The following SMG6 variants were observed in gnomAD, a reference collection of about 807,000 sequenced individuals.
The protein encoded by SMG6 is telomerase-binding protein EST1A.
In SMG6, 66 loss-of-function variants were observed where a neutral mutation model predicts 142.2. The ratio of observed to expected loss-of-function variants is 0.46; its 90% CI spans 0.38 to 0.57. SMG6 has a LOEUF of 0.57. Ranked by LOEUF, SMG6 falls within the 20% of genes least tolerant of loss-of-function variation. The pLI, the probability that SMG6 is intolerant of heterozygous loss-of-function variation, is 0.00. For missense variants in SMG6, 1,793 were observed against 1,832.0 expected, an observed-to-expected ratio of 0.98 and a Z score of 0.39; for synonymous variants, 779 against 702.4, an observed-to-expected ratio of 1.11 and a Z score of -1.72.
At chr17:2,091,608 C>T (rs1040868945) in intron 13 of SMG6, among the ~76,000 whole-genome samples, 1 of 152,144 alleles carries the variant, frequency 6.6e-6, no homozygotes, top group African/African-American at 2.4e-5. Flanking sequence ...TTTCCCTACC[C>T]CTGCTATAGC....
intron 13 of SMG6, among the ~76,000 whole-genome samples, chr17:2,102,553 T>TA (rs1331671043): frequency 7.4e-5 from 11 of 148,040 alleles, no homozygotes; most frequent in Non-Finnish European, 1.3e-4. Flanking sequence ...TTTTTTTTTT[T>TA]TAGAGATGAG....
chr17:2,226,628 C>G (rs1304133421), intron 10 of SMG6, among the ~76,000 whole-genome samples: 2 of 150,996 alleles, frequency 1.3e-5, no homozygotes, highest in African/African-American at 2.4e-5. Flanking sequence ...TGGGGCTGGG[C>G]TCACACCTGT....
At chr17:2,266,234 G>A (rs2074421043) in intron 8 of SMG6, 1 of 954,868 alleles carries the variant, frequency 1.0e-6, no homozygotes, top group South Asian at 4.8e-5. Flanking sequence ...GTCACGTGGG[G>A]TGGAAAGTGG....
chr17:2,191,445 G>C (rs2072159900), intron 10 of SMG6, among the ~76,000 whole-genome samples: 2 of 152,156 alleles, frequency 1.3e-5, no homozygotes, highest in East Asian at 3.8e-4. Context: ...TGTGGGGTGG[G>C]GGAGGAAAAG....
At chr17:2,087,446 T>A in intron 13 of SMG6, 6 of 1,112,290 alleles carry the variant, frequency 5.4e-6, no homozygotes, top group Non-Finnish European at 6.7e-6. Context: ...GGTCTAGGAG[T>A]GTTCTCTGCT....
intron 13 of SMG6, among the ~76,000 whole-genome samples, chr17:2,093,015 T>G (rs2068765229): frequency 1.3e-5 from 2 of 151,998 alleles, no homozygotes; most frequent in Admixed American, 6.6e-5. Context: ...GCCAACATGG[T>G]GAAACCCCAT....
intron 9 of SMG6, chr17:2,237,461 C>G (rs919825346): frequency 2.1e-6 from 2 of 966,236 alleles, no homozygotes; most frequent in African/African-American, 1.8e-5. Context: ...TTCCGCCTAA[C>G]GATCCCAAAT....
intron 8 of SMG6, among the ~76,000 whole-genome samples, chr17:2,276,166 C>T (rs527839990): frequency 3.9e-5 from 6 of 152,244 alleles, no homozygotes; most frequent in South Asian, 2.1e-4. Flanking sequence ...AATACATAAA[C>T]GAACAATTTG....
Position 2,066,048 on chromosome 17 carries a change from G to C in SMG6, c.3836-369C>G, listed in dbSNP as rs535397548. 2.3e-4 allele frequency: 57 copies of C among 252,074 alleles called. No homozygotes were observed. The East Asian group carries it at 4.5e-3, about 20-fold the overall frequency. 15.6% of individuals were successfully genotyped at this position (252,074 alleles called of 1,614,324 possible). ...AGTCCAGGGTATGCAGCAGCTCGAG[G>C]GAAAGGGAGGCGTCCTTCCTTAACT... On this transcript the variant is annotated intron_variant, in intron 16 of 18. Transcript: ENST00000263073.
chr17:2,072,354 C>A (rs900513305), intron 15 of SMG6, among the ~76,000 whole-genome samples: 1 of 152,094 alleles, frequency 6.6e-6, no homozygotes, highest in Non-Finnish European at 1.5e-5. Flanking sequence ...CACGGACACT[C>A]TGAATCAGGT....
intron 13 of SMG6, chr17:2,127,870 A>G: frequency 1.8e-6 from 1 of 561,348 alleles, no homozygotes; most frequent in Non-Finnish European, 3.5e-6. Context: ...CTCCTGCTTC[A>G]TCTTGGTGGC....
intron 13 of SMG6, among the ~76,000 whole-genome samples, chr17:2,144,270 G>A (rs8064885): frequency 0.35 from 52,808 of 151,616 alleles, 10,306 homozygotes; most frequent in Admixed American, 0.44. Flanking sequence ...TGTTGACCTC[G>A]AGACCAGGCT....
At chr17:2,291,877 A>T (rs1342324364) in intron 6 of SMG6, among the ~76,000 whole-genome samples, 15 of 140,286 alleles carry the variant, frequency 1.1e-4, no homozygotes, top group African/African-American at 3.1e-4. Context: ...AAAAAGAGAG[A>T]GACAATTTTC....
At chr17:2,089,640 TC>T (rs2068658279) in intron 13 of SMG6, 1 of 152,206 alleles carries the variant, frequency 6.6e-6, no homozygotes, top group African/African-American at 2.4e-5. Context: ...GCTCCAGTTA[TC>T]ACTCTAATCA....
intron 8 of SMG6, among the ~76,000 whole-genome samples, chr17:2,259,739 G>A (rs1256024322): frequency 2.0e-5 from 3 of 151,432 alleles, no homozygotes; most frequent in African/African-American, 4.9e-5. Context: ...AAGGGACTGT[G>A]CACAGTCCAG....
intron 13 of SMG6, among the ~76,000 whole-genome samples, chr17:2,131,999 G>T (rs2070136825): frequency 6.6e-6 from 1 of 152,028 alleles, no homozygotes; most frequent in Non-Finnish European, 1.5e-5. Context: ...TTCAACACAG[G>T]AGGCGGAGGT....
At chr17:2,110,458 G>A (rs567878814) in intron 13 of SMG6, among the ~76,000 whole-genome samples, 1 of 152,224 alleles carries the variant, frequency 6.6e-6, no homozygotes, top group Non-Finnish European at 1.5e-5. Context: ...TGTAAGTGGT[G>A]ATATACTATG....
chr17:2,180,706 A>G (rs1340948993), intron 12 of SMG6, among the ~76,000 whole-genome samples: 1 of 152,158 alleles, frequency 6.6e-6, no homozygotes, highest in Admixed American at 6.6e-5. Context: ...TAACTGCATA[A>G]GGAAAGAGGG....
intron 10 of SMG6, among the ~76,000 whole-genome samples, chr17:2,213,050 C>T (rs1471411865): frequency 3.3e-5 from 5 of 152,282 alleles, no homozygotes; most frequent in Admixed American, 2.0e-4. Flanking sequence ...GGGATACTTC[C>T]GAGAGTGAAG....
Sources: gnomAD v4.1 joint callset for allele counts (sites outside exome capture counted in the v4.1 genomes callset) on GRCh38, gnomAD v4.1.1 for gene constraint, MANE v1.5 for transcripts, NCBI Gene and HGNC (gene_info 2026-07-23, HGNC 2026-07-21) for gene names.